TAS2R1: variants seen among roughly 807,000 people sequenced by gnomAD.
TAS2R1 encodes taste receptor type 2 member 1.
For synonymous variants in TAS2R1, 141 were observed against 134.2 expected (o/e 1.05, Z -0.35); for missense variants, 370 against 353.4 (o/e 1.05, Z -0.38).
chr5:9,739,134 T>G, the TAS2R1 span, among the ~76,000 whole-genome samples: 2 of 152,220 alleles, frequency 1.3e-5, no homozygotes, highest in Non-Finnish European at 2.9e-5. Flanking sequence ...ATTTCCAAGT[T>G]CTTCTTTTTC....
chr5:9,884,473 TAA>T, the TAS2R1 span, among the ~76,000 whole-genome samples: 870 of 108,282 alleles, frequency 8.0e-3, 15 homozygotes, highest in East Asian at 0.11. Flanking sequence ...GACTCTGACT[TAA>T]AAAAAAAAAA....
the TAS2R1 span, among the ~76,000 whole-genome samples, chr5:9,828,337 G>A: frequency 6.6e-6 from 1 of 152,116 alleles, no homozygotes; most frequent in Admixed American, 6.6e-5. Flanking sequence ...TGTTGGCCAG[G>A]CTGGTCTCGA....
the TAS2R1 span, among the ~76,000 whole-genome samples, chr5:9,757,945 A>G: frequency 1.3e-5 from 2 of 152,138 alleles, no homozygotes. Context: ...GTAAAATAAC[A>G]TGTATATACA....
upstream of TAS2R1, among the ~76,000 whole-genome samples, chr5:9,714,842 T>C (rs905886869): frequency 6.6e-6 from 1 of 152,228 alleles, no homozygotes; most frequent in African/African-American, 2.4e-5. Flanking sequence ...GCATGATACA[T>C]GCAATATGTG....
chr5:9,757,626 C>T, the TAS2R1 span, among the ~76,000 whole-genome samples: 1 of 152,122 alleles, frequency 6.6e-6, no homozygotes, highest in Non-Finnish European at 1.5e-5. Context: ...ATCAAGATTT[C>T]AGTATTCTGC....
chr5:9,698,695 T>C (rs1277998345), intron 1 of TAS2R1, among the ~76,000 whole-genome samples: 2 of 152,202 alleles, frequency 1.3e-5, no homozygotes, highest in Non-Finnish European at 2.9e-5. Context: ...CTAAGTATTA[T>C]ACTCTATAAA....
At chr5:9,705,697 A>G (rs900676015) in intron 1 of TAS2R1, among the ~76,000 whole-genome samples, 2 of 152,104 alleles carry the variant, frequency 1.3e-5, no homozygotes, top group African/African-American at 4.8e-5. Flanking sequence ...CATCTCTACT[A>G]AAAATACAAA....
the TAS2R1 span, among the ~76,000 whole-genome samples, chr5:9,748,602 G>A: frequency 5.9e-5 from 9 of 151,964 alleles, no homozygotes; most frequent in African/African-American, 2.2e-4. Flanking sequence ...CACATGCCAT[G>A]AGAGTAAGCA....
At position 9,662,795 on chromosome 5, in the gene TAS2R1, C is replaced by T. The variant is rs754170183; in HGVS notation, c.-241-3214G>A. Among the ~76,000 whole-genome samples the T allele has an allele frequency of 5.9e-5, 9 of 152,084 alleles. 1 individual carries two copies. Among genetic ancestry groups the T allele is most frequent in the Admixed American group, 2.6e-4 (4 of 15,280 alleles). On this transcript the variant is annotated intron_variant, in intron 1 of 2. Transcript: ENST00000506620. The stretch of plus-strand genomic sequence containing the variant: ...AGATTGATAGTGTTTTTGTCATTTC[C>T]GTAAGAAATTTTGTTAAGAATACTC...
rs77733507 is a variant in TAS2R1 at position 9,661,774 on chromosome 5, T to C, written c.-241-2193A>G. On this transcript the variant is annotated intron_variant, in intron 1 of 2. Transcript: ENST00000506620. ...TTTGATGTATACATATATCAGTGTG[T>C]GTACGTAAATCATATACACAGATTT... 1.1e-3 allele frequency among the ~76,000 whole-genome samples: 161 copies of C among 152,344 alleles called. 1 individual carries two copies. Among genetic ancestry groups the C allele is most frequent in the African/African-American group, 3.6e-3 (149 of 41,578 alleles).
chr5:9,722,869 C>T, the TAS2R1 span, among the ~76,000 whole-genome samples: 231 of 152,358 alleles, frequency 1.5e-3, 1 homozygote, highest in African/African-American at 5.1e-3. Flanking sequence ...CGGCTGCCAT[C>T]GGCTCTGCTT....
At chr5:9,798,931 G>A in the TAS2R1 span, among the ~76,000 whole-genome samples, 2 of 152,132 alleles carry the variant, frequency 1.3e-5, no homozygotes, top group African/African-American at 4.8e-5. Flanking sequence ...CCCAGGGAAG[G>A]ACCAGGACAC....
intron 1 of TAS2R1, among the ~76,000 whole-genome samples, chr5:9,708,741 A>G (rs981399478): frequency 1.2e-4 from 18 of 152,118 alleles, no homozygotes; most frequent in African/African-American, 4.3e-4. Context: ...TATGTCAGAA[A>G]TGCTTTCCGG....
At chr5:9,631,983 G>A (rs1473252305), upstream of TAS2R1, among the ~76,000 whole-genome samples, 1 of 152,192 alleles carries the variant, frequency 6.6e-6, no homozygotes, top group Non-Finnish European at 1.5e-5. Flanking sequence ...CCAGGAGGAT[G>A]AGCCTTGTTT....
chr5:9,873,958 AAG>A, the TAS2R1 span, among the ~76,000 whole-genome samples: 599 of 146,274 alleles, frequency 4.1e-3, 2 homozygotes, highest in Non-Finnish European at 6.7e-3. Context: ...ACAGAAAGAA[AAG>A]AGAGAGAGAG....
the TAS2R1 span, among the ~76,000 whole-genome samples, chr5:9,728,410 T>G: frequency 6.6e-6 from 1 of 152,220 alleles, no homozygotes; most frequent in Non-Finnish European, 1.5e-5. Context: ...GACCTGAAAT[T>G]CAAGTGCTTT....
chr5:9,718,607 G>A, the TAS2R1 span, among the ~76,000 whole-genome samples: 1 of 152,082 alleles, frequency 6.6e-6, no homozygotes, highest in Non-Finnish European at 1.5e-5. Context: ...GAGCAACACA[G>A]ACACCCTCAT....
chr5:9,717,957 C>A, the TAS2R1 span, among the ~76,000 whole-genome samples: 6 of 151,876 alleles, frequency 4.0e-5, no homozygotes, highest in Non-Finnish European at 5.9e-5. Flanking sequence ...TAGTAAATTT[C>A]TTTTTATTTT....
the TAS2R1 span, among the ~76,000 whole-genome samples, chr5:9,857,827 T>G: frequency 1.3e-5 from 2 of 152,304 alleles, no homozygotes; most frequent in South Asian, 4.1e-4. Context: ...CCAGTCAGCC[T>G]ACCCAGAGAT....
Sources: allele counts gnomAD v4.1 joint callset (sites outside exome capture counted in the v4.1 genomes callset), GRCh38; gene constraint gnomAD v4.1.1; transcripts MANE v1.5; gene names NCBI Gene and HGNC (gene_info 2026-07-23, HGNC 2026-07-21).